MAGI1: variants seen among roughly 807,000 people sequenced by gnomAD.
The protein encoded by MAGI1 is membrane-associated guanylate kinase, WW and PDZ domain-containing protein 1.
A neutral mutation model predicts 139.9 loss-of-function variants in MAGI1; 58 were observed. The observed-to-expected ratio is 0.41, with a 90% CI of 0.34 to 0.52. MAGI1 has a LOEUF of 0.52. Among genes scored for constraint, MAGI1 ranks in the 20% least tolerant of loss-of-function variants. MAGI1 has a pLI of 0.12. For synonymous variants in MAGI1, 812 were observed against 737.9 expected, an observed-to-expected ratio of 1.10 and a Z score of -1.63; for missense variants, 1,874 against 1,901.6, an observed-to-expected ratio of 0.99 and a Z score of 0.27.
chr3:65,983,557 T>G (rs1289928073), intron 1 of MAGI1, among the ~76,000 whole-genome samples: 5 of 152,184 alleles, frequency 3.3e-5, no homozygotes. Context: ...CCAAATACAG[T>G]TTCTTTTTAG....
rs779588733 is a variant in MAGI1 at position 65,627,485 on chromosome 3, CTTTTTTTTTTTTTTTTTTTTTT to C, written c.314-5419_314-5398del. On this transcript the variant is annotated intron_variant, in intron 1 of 22. Transcript: ENST00000402939. ...TTGCCGTTATTTTATATTTCTGTAT[CTTTTTTTTTTTTTTTTTTTTTT>C]TTTTTTTTTTTTTTTTTTGAGATGG... is the stretch of plus-strand genomic sequence containing the variant. Among the ~76,000 whole-genome samples the C allele has an allele frequency of 2.4e-3, 68 of 28,352 alleles. 1 individual carries two copies. The East Asian group carries it at 0.049, about 20-fold the overall frequency. 18.6% of individuals were successfully genotyped at this position (28,352 alleles called of 152,430 possible).
At chr3:65,619,189 A>C (rs2083537685) in intron 2 of MAGI1, among the ~76,000 whole-genome samples, 1 of 152,226 alleles carries the variant, frequency 6.6e-6, no homozygotes, top group Non-Finnish European at 1.5e-5. Flanking sequence ...ATGAGGAATG[A>C]GTAATATGGC....
chr3:65,520,953 G>A (rs1042460746), intron 2 of MAGI1, among the ~76,000 whole-genome samples: 6 of 152,142 alleles, frequency 3.9e-5, no homozygotes, highest in South Asian at 2.1e-4. Flanking sequence ...CAATTCAGTG[G>A]AGGGCAAACT....
At chr3:65,519,005 G>T (rs1369180782) in intron 2 of MAGI1, among the ~76,000 whole-genome samples, 1 of 152,082 alleles carries the variant, frequency 6.6e-6, no homozygotes, top group African/African-American at 2.4e-5. Context: ...AGGACTAAAG[G>T]AAATGAGAGC....
chr3:65,527,653 G>C (rs2078449750), intron 2 of MAGI1, among the ~76,000 whole-genome samples: 1 of 152,134 alleles, frequency 6.6e-6, no homozygotes, highest in East Asian at 1.9e-4. Flanking sequence ...TGAACCCGGG[G>C]GGCAGAGCTT....
At chr3:65,769,935 C>A (rs922780090) in intron 1 of MAGI1, among the ~76,000 whole-genome samples, 1 of 152,178 alleles carries the variant, frequency 6.6e-6, no homozygotes, top group Non-Finnish European at 1.5e-5. Flanking sequence ...AAACCTCCAA[C>A]TAAAGTCACA....
chr3:66,022,244 G>A (rs892852264), intron 1 of MAGI1, among the ~76,000 whole-genome samples: 10 of 151,982 alleles, frequency 6.6e-5, no homozygotes, highest in Non-Finnish European at 1.2e-4. Context: ...CTAAAATGTC[G>A]CAGAAACAAA....
At chr3:66,014,039 C>G (rs2067491134) in intron 1 of MAGI1, among the ~76,000 whole-genome samples, 1 of 152,124 alleles carries the variant, frequency 6.6e-6, no homozygotes, top group South Asian at 2.1e-4. Context: ...AAAAATAATA[C>G]CTGCTTGCTG....
At chr3:65,834,160 C>T (rs2042679111) in intron 1 of MAGI1, among the ~76,000 whole-genome samples, 1 of 151,966 alleles carries the variant, frequency 6.6e-6, no homozygotes, top group South Asian at 2.1e-4. Flanking sequence ...AATAACAGGA[C>T]GGTATGAAAG....
chr3:66,038,343 G>T lies in MAGI1; in HGVS notation c.-35C>A. The T allele has an allele frequency of 2.0e-6, 3 of 1,515,620 alleles. No individual in the cohort carries two copies. The highest frequency in any genetic ancestry group is 1.3e-5 in the South Asian group (1 of 76,608). 93.9% of individuals were successfully genotyped at this position (1,515,620 alleles called of 1,614,324 possible). A position where few individuals can be genotyped will look rare whatever the true frequency, so the allele number is the denominator to read the frequency against. On this transcript the variant is annotated 5_prime_UTR_variant, in exon 1 of 23. Transcript: ENST00000402939. ...CACCCCTCCTCCAAAAAAATAAAAC[G>T]AGAGACAGGTGCCCCCCACAGCACG...
At chr3:65,610,719 T>G (rs1338949620) in intron 2 of MAGI1, among the ~76,000 whole-genome samples, 1 of 105,256 alleles carries the variant, frequency 9.5e-6, no homozygotes. Context: ...GTCAGGTTCA[T>G]TTAGGTACAA....
At chr3:65,488,203 C>T (rs1394139460) in intron 3 of MAGI1, among the ~76,000 whole-genome samples, 4 of 152,220 alleles carry the variant, frequency 2.6e-5, no homozygotes, top group Non-Finnish European at 5.9e-5. Flanking sequence ...CACCATCTCC[C>T]AGCCTCTCAC....
intron 1 of MAGI1, among the ~76,000 whole-genome samples, chr3:65,725,903 T>G (rs2033550656): frequency 6.6e-6 from 1 of 152,178 alleles, no homozygotes; most frequent in South Asian, 2.1e-4. Flanking sequence ...GAAAAAAACT[T>G]GATTCCAGGT....
chr3:65,849,081 T>G (rs944165014), intron 1 of MAGI1, among the ~76,000 whole-genome samples: 1 of 128,312 alleles, frequency 7.8e-6, no homozygotes, highest in Admixed American at 9.7e-5. Flanking sequence ...TGGAGTGAAG[T>G]GGCGCAATCT....
chr3:65,462,927 A>C (rs1949916667), intron 5 of MAGI1, among the ~76,000 whole-genome samples: 1 of 152,042 alleles, frequency 6.6e-6, no homozygotes, highest in African/African-American at 2.4e-5. Flanking sequence ...TTTGTCTACT[A>C]TTGGTGTATA....
chr3:65,462,582 G>C (rs1216999207), intron 5 of MAGI1, among the ~76,000 whole-genome samples: 2 of 152,144 alleles, frequency 1.3e-5, no homozygotes, highest in Admixed American at 6.5e-5. Context: ...TTTTTGCTTA[G>C]GATTGTCTTG....
rs1162043138 is a variant in MAGI1, at chr3:65,958,255, C to T, written c.313+79741G>A. Among the ~76,000 whole-genome samples, 5 of 152,176 alleles carry T rather than the reference C, an allele frequency of 3.3e-5. No homozygotes were observed. In the East Asian group the frequency reaches 9.6e-4, roughly 29 times the overall value. On this transcript the variant is annotated intron_variant, in intron 1 of 22. Coordinates refer to ENST00000402939, the MANE Select transcript of MAGI1 (RefSeq NM_001033057.2). Reference sequence around the variant, plus strand: ...AGACTTACACAGGAAAAAATAGGTACAGTGTAAGACATTCTAAATTTAGCT... The same window carrying T: ...AGACTTACACAGGAAAAAATAGGTATAGTGTAAGACATTCTAAATTTAGCT...
intron 10 of MAGI1, among the ~76,000 whole-genome samples, chr3:65,434,649 CGGTAGGCA>C (rs1198047990): frequency 6.6e-6 from 1 of 152,004 alleles, no homozygotes; most frequent in Non-Finnish European, 1.5e-5. Context: ...GACACTTAAC[CGGTAGGCA>C]GGTAACCCAG....
At chr3:65,848,059 C>G (rs987058906) in intron 1 of MAGI1, among the ~76,000 whole-genome samples, 1 of 152,120 alleles carries the variant, frequency 6.6e-6, no homozygotes, top group Non-Finnish European at 1.5e-5. Flanking sequence ...GATAGAAGAA[C>G]AAAGGAGACA....
Sources: allele counts gnomAD v4.1 joint callset (sites outside exome capture counted in the v4.1 genomes callset), GRCh38; gene constraint gnomAD v4.1.1; transcripts MANE v1.5; gene names NCBI Gene and HGNC (gene_info 2026-07-23, HGNC 2026-07-21).